The following CHIC2 variants were observed in gnomAD, a reference collection of about 807,000 sequenced individuals.
CHIC2 encodes the protein cysteine rich hydrophobic domain 2.
Under a neutral mutation model 25.9 loss-of-function variants are expected in CHIC2, and 14 were observed. The observed-to-expected ratio is 0.54, with a 90% CI of 0.36 to 0.85. The LOEUF (loss-of-function observed/expected upper bound fraction) is 0.85, where lower values mean the gene tolerates loss of function less well. Ranked by LOEUF, CHIC2 falls within the 40% of genes least tolerant of loss-of-function variation. CHIC2 has a pLI of 0.01. For synonymous variants in CHIC2, 70 were observed against 72.0 expected (o/e 0.97, Z 0.14); for missense variants, 146 against 202.0 (o/e 0.72, Z 1.68).
upstream of CHIC2, chr4:54,064,702 TG>T (rs1313385117): frequency 2.0e-6 from 2 of 994,034 alleles, no homozygotes; most frequent in African/African-American, 3.5e-5. The surrounding 1 kb of genome is among the most constrained non-coding windows in gnomAD (Gnocchi z 4.2). Context: ...CGTGGGCGCG[TG>T]GGCGAGCGGA....
chr4:54,060,451 A>G (rs1433507728), intron 1 of CHIC2: 1 of 152,166 alleles, frequency 6.6e-6, no homozygotes, highest in Non-Finnish European at 1.5e-5. Context: ...ACTTGGCTCT[A>G]TGATAGGGCT....
intron 3 of CHIC2, among the ~76,000 whole-genome samples, chr4:54,031,693 C>G (rs1257071715): frequency 4.2e-5 from 6 of 144,110 alleles, no homozygotes; most frequent in Non-Finnish European, 7.5e-5. Context: ...CATCTCGGCT[C>G]ACTGCAACCT....
intron 3 of CHIC2, 60 bp from the exon 4 acceptor site, chr4:54,014,179 A>T: frequency 6.8e-7 from 1 of 1,474,370 alleles, no homozygotes; most frequent in Non-Finnish European, 9.4e-7. Flanking sequence ...TTTGTTTTGC[A>T]GCTGCTTTTT....
chr4:54,065,238 ATTT>A (rs368744053), upstream of CHIC2: 25 of 644,768 alleles, frequency 3.9e-5, no homozygotes, highest in Non-Finnish European at 4.4e-5. Context: ...CGATGCTGGT[ATTT>A]TTTTTTTTTT....
At chr4:54,025,409 G>A in intron 3 of CHIC2, among the ~76,000 whole-genome samples, 1 of 152,022 alleles carries the variant, frequency 6.6e-6, no homozygotes. Context: ...CCCAAAATCT[G>A]TAAGAACTAA....
At chr4:54,028,234 A>C (rs572043126) in intron 3 of CHIC2, among the ~76,000 whole-genome samples, 6 of 152,202 alleles carry the variant, frequency 3.9e-5, no homozygotes, top group Non-Finnish European at 8.8e-5. Flanking sequence ...TTCCTAACTC[A>C]TGAAATCTTT....
intron 3 of CHIC2, among the ~76,000 whole-genome samples, chr4:54,023,495 T>A (rs1715965803): frequency 6.6e-6 from 1 of 152,198 alleles, no homozygotes; most frequent in African/African-American, 2.4e-5. Flanking sequence ...GACTTCAATC[T>A]GGCCTCCCAC....
intron 3 of CHIC2, among the ~76,000 whole-genome samples, chr4:54,046,948 T>C (rs1716845644): frequency 6.6e-6 from 1 of 152,092 alleles, no homozygotes; most frequent in Admixed American, 6.5e-5. Context: ...CAAACACATT[T>C]ACAAGAAAAA....
intron 3 of CHIC2, among the ~76,000 whole-genome samples, chr4:54,035,142 A>T (rs1039919248): frequency 1.3e-5 from 2 of 152,194 alleles, no homozygotes; most frequent in African/African-American, 4.8e-5. Context: ...TTGATAGGCT[A>T]AACGTCTGTT....
At chr4:54,016,270 CAGA>C (rs1715734987) in intron 3 of CHIC2, among the ~76,000 whole-genome samples, 1 of 151,872 alleles carries the variant, frequency 6.6e-6, no homozygotes, top group African/African-American at 2.4e-5. Context: ...ATCATTTCAT[CAGA>C]AGTTTAAACC....
chr4:54,074,394 G>T, the CHIC2 span, among the ~76,000 whole-genome samples: 1 of 152,132 alleles, frequency 6.6e-6, no homozygotes, highest in Admixed American at 6.5e-5. Context: ...ACTCTCACTT[G>T]AAGTCAATGG....
At chr4:54,028,103 C>T (rs1716117420) in intron 3 of CHIC2, among the ~76,000 whole-genome samples, 2 of 151,984 alleles carry the variant, frequency 1.3e-5, no homozygotes, top group Admixed American at 1.3e-4. Context: ...AAAATACTTA[C>T]AAAGAAAAAT....
In CHIC2 at chr4:54,064,062, T is replaced by C. The variant is rs964786909; in HGVS notation, c.119+120A>G. 7 of 771,310 alleles carry C rather than the reference T, an allele frequency of 9.1e-6. No homozygotes were observed. Among genetic ancestry groups the C allele is most frequent in the Non-Finnish European group, 1.5e-5 (7 of 472,540 alleles). The allele number at this position is 771,310 out of a possible 1,614,324, so 47.8% of individuals were successfully genotyped here. On this transcript the variant is annotated intron_variant, in intron 1 of 5. Coordinates refer to ENST00000263921, the MANE Select transcript of CHIC2 (RefSeq NM_012110.4). This position sits in a 1 kb window ranked among gnomAD's most constrained non-coding sequence, Gnocchi z 4.2. The stretch of plus-strand genomic sequence containing the variant: ...AATAAGCCAAGTTCTCACTTCCTGG[T>C]TGCCTACTCTTTCGGAAGGCCCCCG...
intron 3 of CHIC2, among the ~76,000 whole-genome samples, chr4:54,028,974 T>A (rs1169659646): frequency 6.6e-6 from 1 of 151,974 alleles, no homozygotes; most frequent in Non-Finnish European, 1.5e-5. Flanking sequence ...ATACAAAAAA[T>A]TAGCCAGGCG....
chr4:54,034,517 T>C (rs1017739189), intron 3 of CHIC2, among the ~76,000 whole-genome samples: 9 of 152,222 alleles, frequency 5.9e-5, no homozygotes, highest in Non-Finnish European at 1.2e-4. Context: ...GTGTGTCTTA[T>C]ATATGTTTTT....
At chr4:54,090,567 C>G in the CHIC2 span, among the ~76,000 whole-genome samples, 1 of 152,176 alleles carries the variant, frequency 6.6e-6, no homozygotes, top group Non-Finnish European at 1.5e-5. Flanking sequence ...AACATTCCAT[C>G]AGACTCAGGG....
At chr4:54,069,583 C>A (rs1233672359), upstream of CHIC2, among the ~76,000 whole-genome samples, 1 of 152,180 alleles carries the variant, frequency 6.6e-6, no homozygotes, top group African/African-American at 2.4e-5. Context: ...ACACCGCTGG[C>A]CATTGACTTA....
the CHIC2 span, among the ~76,000 whole-genome samples, chr4:54,085,274 A>G: frequency 2.6e-5 from 4 of 152,202 alleles, no homozygotes; most frequent in Non-Finnish European, 5.9e-5. Flanking sequence ...GTAGGTTACT[A>G]TGATAAATTC....
chr4:54,061,251 ACTTT>A (rs1476897469), intron 1 of CHIC2: 3 of 152,190 alleles, frequency 2.0e-5, no homozygotes, highest in East Asian at 1.9e-4. Context: ...ATGGAAGGTA[ACTTT>A]CTTTCTCACA....
Sources: gnomAD v4.1 joint callset for allele counts (sites outside exome capture counted in the v4.1 genomes callset) on GRCh38, gnomAD v4.1.1 for gene constraint, Gnocchi (gnomAD v3.1) non-coding constraint, MANE v1.5 for transcripts, NCBI Gene and HGNC (gene_info 2026-07-23, HGNC 2026-07-21) for gene names.